The following YAP1 variants were observed in gnomAD, a reference collection of about 807,000 sequenced individuals.
The protein encoded by YAP1 is transcriptional coactivator YAP1.
YAP1 carries 5 observed loss-of-function variants against 56.9 expected under a neutral mutation model. The ratio of observed to expected loss-of-function variants is 0.09; its 90% CI spans 0.05 to 0.18. The LOEUF is 0.18. Among genes scored for constraint, YAP1 ranks in the 10% least tolerant of loss-of-function variants. The probability of loss-of-function intolerance (pLI) is 1.00; values close to 1 mark genes in which losing one functional copy is unlikely to be tolerated. For synonymous variants in YAP1, 265 were observed against 248.1 expected (o/e 1.07, Z -0.64); for missense variants, 539 against 651.8 (o/e 0.83, Z 1.88).
At chr11:102,177,507 C>A (rs1041000337) in intron 3 of YAP1, among the ~76,000 whole-genome samples, 2 of 151,776 alleles carry the variant, frequency 1.3e-5, no homozygotes, top group African/African-American at 2.4e-5. Context: ...AGTGAAACCC[C>A]ATCTTTACTA....
intron 3 of YAP1, among the ~76,000 whole-genome samples, chr11:102,176,744 TCAAAAA>T (rs1947272592): frequency 5.1e-5 from 1 of 19,528 alleles, no homozygotes; most frequent in Non-Finnish European, 7.9e-5. Context: ...AGACTCCGTC[TCAAAAA>T]AAAAAAAAAA....
At position 102,137,986 on chromosome 11, in the gene YAP1, C is replaced by T. The variant is rs1034249231; in HGVS notation, c.572+23592C>T. ...CACTGCAGCCTCCGCCTCCCGAGTT[C>T]AAGCAATTCTCTTGCCTCAGCCTCC... On this transcript the variant is annotated intron_variant, in intron 2 of 8. Coordinates refer to ENST00000282441, the MANE Select transcript of YAP1 (RefSeq NM_001130145.3). 5.9e-5 allele frequency among the ~76,000 whole-genome samples: 9 copies of T among 152,236 alleles called. No individual in the cohort carries two copies. The East Asian group carries it at 1.7e-3, about 29-fold the overall frequency.
intron 5 of YAP1, among the ~76,000 whole-genome samples, chr11:102,208,789 A>G (rs1263796615): frequency 2.6e-5 from 4 of 152,206 alleles, no homozygotes; most frequent in Non-Finnish European, 5.9e-5. Context: ...AAGTTCTTTA[A>G]TTACTAATGT....
chr11:102,212,310 A>C (rs1949440517), intron 6 of YAP1, among the ~76,000 whole-genome samples: 1 of 152,192 alleles, frequency 6.6e-6, no homozygotes, highest in Non-Finnish European at 1.5e-5. Context: ...AGCTGTCTTT[A>C]AGTACTTCCT....
At chr11:102,138,034 C>T (rs531931423) in intron 2 of YAP1, among the ~76,000 whole-genome samples, 45 of 152,078 alleles carry the variant, frequency 3.0e-4, no homozygotes, top group Non-Finnish European at 5.7e-4. Flanking sequence ...ATTACAGGCG[C>T]GTGCCACCAC....
chr11:102,169,818 G>A (rs937063248), intron 3 of YAP1, among the ~76,000 whole-genome samples: 1 of 151,916 alleles, frequency 6.6e-6, no homozygotes, highest in Admixed American at 6.6e-5. Context: ...TGATTTATTT[G>A]ATGATTAAGT....
intron 2 of YAP1, among the ~76,000 whole-genome samples, chr11:102,122,754 G>A (rs986558194): frequency 8.6e-5 from 13 of 151,860 alleles, no homozygotes; most frequent in African/African-American, 3.1e-4. Context: ...AATTAGGCAG[G>A]CGTGGTGGCA....
At chr11:102,147,871 A>G (rs1034577396) in intron 2 of YAP1, among the ~76,000 whole-genome samples, 12 of 152,204 alleles carry the variant, frequency 7.9e-5, no homozygotes, top group African/African-American at 1.2e-4. Flanking sequence ...TTTCTCTGTC[A>G]TCTATACCAC....
intron 3 of YAP1, among the ~76,000 whole-genome samples, chr11:102,180,748 C>T (rs1287663003): frequency 1.4e-5 from 2 of 148,146 alleles, no homozygotes; most frequent in Non-Finnish European, 3.0e-5. Context: ...AATGCTATGA[C>T]ATAGATATAA....
chr11:102,132,135 A>G (rs185384366), intron 2 of YAP1, among the ~76,000 whole-genome samples: 17 of 152,258 alleles, frequency 1.1e-4, no homozygotes, highest in African/African-American at 3.4e-4. Context: ...ATAAAAAAAA[A>G]GAGTGATACC....
chr11:102,209,420 C>A, intron 5 of YAP1, 97 bp from the exon 6 acceptor site: 3 of 1,098,014 alleles, frequency 2.7e-6, no homozygotes, highest in Non-Finnish European at 1.3e-6. Flanking sequence ...GAATTCTGTG[C>A]TATGGTGATA....
intron 2 of YAP1, among the ~76,000 whole-genome samples, chr11:102,159,869 T>C (rs1946162984): frequency 6.6e-6 from 1 of 152,012 alleles, no homozygotes; most frequent in Admixed American, 6.6e-5. Flanking sequence ...CTTTAAAAGG[T>C]TGGATAGAAA....
intron 2 of YAP1, among the ~76,000 whole-genome samples, chr11:102,130,488 C>G (rs1214384955): frequency 6.6e-6 from 1 of 151,986 alleles, no homozygotes; most frequent in African/African-American, 2.4e-5. Flanking sequence ...ACTGTAGCCT[C>G]AATCCTCTGG....
At chr11:102,157,905 C>T (rs1488448267) in intron 2 of YAP1, among the ~76,000 whole-genome samples, 7 of 152,194 alleles carry the variant, frequency 4.6e-5, no homozygotes, top group African/African-American at 1.7e-4. Context: ...GTGTTAGGGG[C>T]TTAAACACTT....
chr11:102,114,419 C>G (rs1326384535), intron 2 of YAP1, 25 bp downstream of exon 2: 5 of 1,600,426 alleles, frequency 3.1e-6, no homozygotes, highest in African/African-American at 2.7e-5. Flanking sequence ...TGGTGGGAGA[C>G]AGTTATCTAA....
intron 4 of YAP1, among the ~76,000 whole-genome samples, chr11:102,189,680 C>T (rs998540110): frequency 6.6e-6 from 1 of 152,104 alleles, no homozygotes; most frequent in African/African-American, 2.4e-5. Flanking sequence ...GATTTTGGTT[C>T]CTTTGTTTCA....
intron 4 of YAP1, among the ~76,000 whole-genome samples, chr11:102,195,053 T>A (rs761912758): frequency 4.6e-5 from 7 of 152,186 alleles, no homozygotes; most frequent in Non-Finnish European, 1.0e-4. Flanking sequence ...TCACCATGTC[T>A]GGCTGCTTCT....
intron 2 of YAP1, among the ~76,000 whole-genome samples, chr11:102,148,981 G>C (rs1945477222): frequency 6.6e-6 from 1 of 152,078 alleles, no homozygotes; most frequent in South Asian, 2.1e-4. Flanking sequence ...GATAGATAGA[G>C]CCTATTAAAA....
Position 102,230,139 on chromosome 11 carries a change from G to C in YAP1, c.*199G>C, listed in dbSNP as rs1343830026. The C allele has an allele frequency of 2.0e-6, 1 of 492,888 alleles. No homozygotes were observed. 30.5% of individuals were successfully genotyped at this position (492,888 alleles called of 1,614,324 possible). ...TGTATTGCTGACCTCTTTCACAGTT[G>C]GCTCTAAAGAATCAAAAGAAAAAAA... is the stretch of plus-strand genomic sequence containing the variant. On this transcript the variant is annotated 3_prime_UTR_variant, in exon 9 of 9. Transcript: ENST00000282441.
Sources: allele counts gnomAD v4.1 joint callset (sites outside exome capture counted in the v4.1 genomes callset), GRCh38; gene constraint gnomAD v4.1.1; transcripts MANE v1.5; gene names NCBI Gene and HGNC (gene_info 2026-07-23, HGNC 2026-07-21).